MAGI2: variants seen among roughly 807,000 people sequenced by gnomAD.
MAGI2 encodes the protein membrane-associated guanylate kinase, WW and PDZ domain-containing protein 2.
Under a neutral mutation model 133.3 loss-of-function variants are expected in MAGI2, and 35 were observed. That is an observed-to-expected ratio of 0.26 (90% CI 0.20 to 0.35). The LOEUF is 0.35. MAGI2 is among the 10% of genes least tolerant of loss of function. MAGI2 has a pLI of 1.00. For missense variants in MAGI2, 1,636 were observed against 1,863.4 expected, an observed-to-expected ratio of 0.88 and a Z score of 2.25; for synonymous variants, 729 against 710.6, an observed-to-expected ratio of 1.03 and a Z score of -0.41.
chr7:78,653,754 A>G (rs933174085), intron 2 of MAGI2, among the ~76,000 whole-genome samples: 16 of 144,512 alleles, frequency 1.1e-4, no homozygotes, highest in Non-Finnish European at 1.9e-4. Flanking sequence ...CTGCACCTGT[A>G]TCTCAGAACT....
At position 78,313,070 on chromosome 7, in the gene MAGI2, C is replaced by T. The variant is rs1267459398; in HGVS notation, c.1408+30708G>A. On this transcript the variant is annotated intron_variant, in intron 9 of 21. Transcript: ENST00000354212. ...GTCTTTTGCAGTGACATGGATGGAA[C>T]TGGAGGTCCTTAAGTGAAAACTCAG... Among the ~76,000 whole-genome samples, 3 of 151,890 alleles carry T rather than the reference C, an allele frequency of 2.0e-5. No homozygotes were observed. The East Asian group carries it at 5.8e-4, about 29-fold the overall frequency.
At chr7:78,145,382 T>C (rs1823197797) in intron 16 of MAGI2, among the ~76,000 whole-genome samples, 1 of 152,210 alleles carries the variant, frequency 6.6e-6, no homozygotes, top group Non-Finnish European at 1.5e-5. Context: ...TATGGTTCTT[T>C]GTCAGTATGG....
chr7:78,017,618 A>C lies in MAGI2; in HGVS notation c.*1697T>G, dbSNP rs1254203844. 2.0e-5 allele frequency: 3 copies of C among 152,646 alleles called. No homozygotes were observed. The highest frequency in any genetic ancestry group is 2.9e-5 in the Non-Finnish European group (2 of 68,030). The allele number at this position is 152,646 out of a possible 1,614,324, so 9.5% of individuals were successfully genotyped here. A position where few individuals can be genotyped will look rare whatever the true frequency, so the allele number is the denominator to read the frequency against. On this transcript the variant is annotated 3_prime_UTR_variant, in exon 22 of 22. Coordinates refer to ENST00000354212, the MANE Select transcript of MAGI2 (RefSeq NM_012301.4). Reference sequence around the variant, plus strand: ...GTGTTTGTGCTTTTGTTTACGATGAATGGGTTTCATTTTTGGAAATTGCTT... The same window carrying C: ...GTGTTTGTGCTTTTGTTTACGATGACTGGGTTTCATTTTTGGAAATTGCTT...
chr7:79,067,914 T>C (rs1814533037), intron 1 of MAGI2, among the ~76,000 whole-genome samples: 1 of 152,224 alleles, frequency 6.6e-6, no homozygotes, highest in African/African-American at 2.4e-5. Context: ...CATGTATTGA[T>C]TTGCATATTT....
chr7:78,399,964 C>T (rs759928154), intron 6 of MAGI2, among the ~76,000 whole-genome samples: 2 of 151,676 alleles, frequency 1.3e-5, no homozygotes, highest in East Asian at 1.9e-4. Flanking sequence ...CAATTCAAAA[C>T]AAAACCAAAA....
At chr7:79,388,130 G>C (rs559868568) in intron 1 of MAGI2, among the ~76,000 whole-genome samples, 8 of 151,996 alleles carry the variant, frequency 5.3e-5, no homozygotes, top group African/African-American at 1.7e-4. Context: ...CATAATTATA[G>C]TTTTTCCTTT....
intron 10 of MAGI2, among the ~76,000 whole-genome samples, chr7:78,223,679 G>GAT (rs1473579402): frequency 1.2e-4 from 19 of 152,114 alleles, no homozygotes; most frequent in African/African-American, 4.3e-4. Context: ...ACCATTTACT[G>GAT]TAATGCCACA....
At chr7:78,594,708 G>A (rs751244214) in intron 3 of MAGI2, among the ~76,000 whole-genome samples, 11 of 151,986 alleles carry the variant, frequency 7.2e-5, no homozygotes, top group Admixed American at 5.9e-4. Flanking sequence ...TGCCTGCCTC[G>A]GCCTCCCAAA....
chr7:78,244,087 G>A (rs1397960159), intron 10 of MAGI2, among the ~76,000 whole-genome samples: 1 of 149,376 alleles, frequency 6.7e-6, no homozygotes, highest in East Asian at 2.0e-4. Context: ...ACTTTTGGAG[G>A]CCAAGATGGG....
intron 2 of MAGI2, among the ~76,000 whole-genome samples, chr7:78,940,064 G>A (rs1037709250): frequency 6.6e-6 from 1 of 152,166 alleles, no homozygotes; most frequent in Non-Finnish European, 1.5e-5. Context: ...TCATCCCCAT[G>A]TGTGCCATGC....
chr7:79,110,361 C>A lies in MAGI2; in HGVS notation c.302-103155G>T, dbSNP rs557867075. 1.2e-4 allele frequency among the ~76,000 whole-genome samples: 19 copies of A among 152,304 alleles called. No individual in the cohort carries two copies. The South Asian group carries it at 3.7e-3, about 30-fold the overall frequency. On this transcript the variant is annotated intron_variant, in intron 1 of 21. Coordinates refer to ENST00000354212, the MANE Select transcript of MAGI2 (RefSeq NM_012301.4). ...GCAGAGTTGCCCAAGGCCTTGGGAG[C>A]CTACCCTTGCTGCAGTGTGCCCTAA...
chr7:78,688,134 T>G (rs1816572932), intron 2 of MAGI2, among the ~76,000 whole-genome samples: 1 of 152,152 alleles, frequency 6.6e-6, no homozygotes, highest in African/African-American at 2.4e-5. Flanking sequence ...AACCCCATGT[T>G]CATTTAGCCT....
chr7:79,136,025 G>GAAA (rs1288550585), intron 1 of MAGI2, among the ~76,000 whole-genome samples: 1 of 120,212 alleles, frequency 8.3e-6, no homozygotes, highest in African/African-American at 4.0e-5. Context: ...AAGAAAGAAA[G>GAAA]AAGGAAAGAA....
chr7:78,754,202 C>A (rs757340307), intron 2 of MAGI2, among the ~76,000 whole-genome samples: 6 of 151,820 alleles, frequency 4.0e-5, no homozygotes, highest in Non-Finnish European at 7.4e-5. Flanking sequence ...CATAGCAAAA[C>A]CCTGCTATCT....
intron 3 of MAGI2, among the ~76,000 whole-genome samples, chr7:78,570,220 G>A (rs1355661999): frequency 2.6e-5 from 4 of 152,234 alleles, no homozygotes; most frequent in East Asian, 1.9e-4. Flanking sequence ...AGTCTTCAAC[G>A]TGTTTCTACA....
intron 3 of MAGI2, among the ~76,000 whole-genome samples, chr7:78,560,588 G>A (rs530776123): frequency 6.6e-6 from 1 of 152,174 alleles, no homozygotes; most frequent in South Asian, 2.1e-4. Flanking sequence ...AAATTATTTT[G>A]TAGTTTCAAA....
chr7:79,089,660 C>G (rs1032409154), intron 1 of MAGI2, among the ~76,000 whole-genome samples: 1 of 152,056 alleles, frequency 6.6e-6, no homozygotes, highest in Non-Finnish European at 1.5e-5. Context: ...TTTGCAGGAA[C>G]ATGGATGAAG....
intron 1 of MAGI2, among the ~76,000 whole-genome samples, chr7:79,036,083 C>T (rs1039243233): frequency 5.3e-5 from 8 of 152,166 alleles, no homozygotes; most frequent in Non-Finnish European, 1.0e-4. Flanking sequence ...TTCAGGATTT[C>T]TTCACCATCA....
chr7:79,314,906 A>G (rs1251290323), intron 1 of MAGI2, among the ~76,000 whole-genome samples: 1 of 152,158 alleles, frequency 6.6e-6, no homozygotes, highest in Non-Finnish European at 1.5e-5. Flanking sequence ...AACTCAGATA[A>G]GGAAATGAAA....
Sources: gnomAD v4.1 joint callset for allele counts (sites outside exome capture counted in the v4.1 genomes callset) on GRCh38, gnomAD v4.1.1 for gene constraint, MANE v1.5 for transcripts, NCBI Gene and HGNC (gene_info 2026-07-23, HGNC 2026-07-21) for gene names.